The following CLTCL1 variants were observed in gnomAD, a reference collection of about 807,000 sequenced individuals.
The protein encoded by CLTCL1 is clathrin heavy chain like 1.
In CLTCL1, 159 loss-of-function variants were observed where a neutral mutation model predicts 190.0. The observed-to-expected ratio is 0.84, with a 90% CI of 0.74 to 0.95. The LOEUF (loss-of-function observed/expected upper bound fraction) is 0.95, where lower values mean the gene tolerates loss of function less well. CLTCL1 is among the 40% of genes least tolerant of loss of function. CLTCL1 has a pLI of 0.00. For missense variants in CLTCL1, 1,878 were observed against 2,033.4 expected, an observed-to-expected ratio of 0.92 and a Z score of 1.47; for synonymous variants, 752 against 769.6, an observed-to-expected ratio of 0.98 and a Z score of 0.38.
intron 7 of CLTCL1, 64 bp from the exon 8 acceptor site, chr22:19,233,686 C>A: frequency 6.7e-7 from 1 of 1,498,224 alleles, no homozygotes; most frequent in Non-Finnish European, 9.1e-7. Context: ...CACTCAACTT[C>A]CTTGTATGTA....
chr22:19,276,062 A>G (rs1170657441), intron 1 of CLTCL1, among the ~76,000 whole-genome samples: 1 of 152,132 alleles, frequency 6.6e-6, no homozygotes, highest in East Asian at 1.9e-4. Flanking sequence ...CATGTGCAGG[A>G]TGACACTAGG....
intron 4 of CLTCL1, among the ~76,000 whole-genome samples, chr22:19,241,398 A>T (rs1555965351): frequency 6.6e-6 from 1 of 152,218 alleles, no homozygotes; most frequent in East Asian, 1.9e-4. Flanking sequence ...GAGCCACATA[A>T]CTAAAGTCAG....
chr22:19,277,558 A>T (rs1555984126), intron 1 of CLTCL1, among the ~76,000 whole-genome samples: 1 of 152,248 alleles, frequency 6.6e-6, no homozygotes, highest in African/African-American at 2.4e-5. Flanking sequence ...ACTGTAGTGA[A>T]ATAGTTTTTT....
At chr22:19,211,721 T>C (rs1415167066) in intron 19 of CLTCL1, among the ~76,000 whole-genome samples, 1 of 145,854 alleles carries the variant, frequency 6.9e-6, no homozygotes, top group Non-Finnish European at 1.5e-5. Context: ...GAGCTGAGAT[T>C]GCGCCACTGC....
At chr22:19,180,360 G>A (rs2084090417) in intron 31 of CLTCL1, 122 bp from the exon 32 acceptor site, 2 of 1,052,278 alleles carry the variant, frequency 1.9e-6, no homozygotes, top group Non-Finnish European at 2.9e-6. Context: ...CAGTGTCCAA[G>A]CACCCCACAG....
intron 19 of CLTCL1, among the ~76,000 whole-genome samples, chr22:19,212,796 A>G (rs1160583509): frequency 6.6e-6 from 1 of 152,234 alleles, no homozygotes; most frequent in Non-Finnish European, 1.5e-5. Context: ...CTGGACATTC[A>G]TATGCAAAAA....
chr22:19,236,164 G>A (rs1555962066), intron 5 of CLTCL1, among the ~76,000 whole-genome samples: 1 of 152,178 alleles, frequency 6.6e-6, no homozygotes, highest in East Asian at 1.9e-4. Flanking sequence ...AGAGATTACT[G>A]GTGGGAGCAA....
At chr22:19,208,747 A>AATAACAGAATAAT (rs1312902486) in intron 21 of CLTCL1, among the ~76,000 whole-genome samples, 175 bp downstream of exon 21, 131 of 152,122 alleles carry the variant, frequency 8.6e-4, no homozygotes, top group African/African-American at 2.9e-3. Flanking sequence ...AGCTGGTGTC[A>AATAACAGAATAAT]ATAACAGAAT....
In CLTCL1 at chr22:19,187,975, AC is replaced by A. The variant is rs1179845734; in HGVS notation, c.4434+5del. 2.4e-5 allele frequency: 38 copies of A among 1,612,886 alleles called. No individual in the cohort carries two copies. The highest frequency in any genetic ancestry group is 2.5e-5 in the Non-Finnish European group (30 of 1,179,060). ...CCCAGGACAGGGCTCCTTCCTGCAC[AC>A]CCACCTGATAGTCCTCCTCCTCTGT... On this transcript the variant is annotated splice_donor_5th_base_variant and intron_variant, in intron 28 of 32. Coordinates refer to ENST00000427926, the MANE Select transcript of CLTCL1 (RefSeq NM_007098.4).
At chr22:19,190,207 C>T (rs2084446451) in intron 27 of CLTCL1, among the ~76,000 whole-genome samples, 1 of 152,236 alleles carries the variant, frequency 6.6e-6, no homozygotes, top group African/African-American at 2.4e-5. Flanking sequence ...ATCCACCCAC[C>T]TTGGCCTCCC....
At chr22:19,287,530 C>T (rs964931137) in intron 1 of CLTCL1, among the ~76,000 whole-genome samples, 3 of 152,126 alleles carry the variant, frequency 2.0e-5, no homozygotes, top group Non-Finnish European at 2.9e-5. Context: ...AACACGAAAC[C>T]ACTCCCTGAA....
chr22:19,288,847 G>T lies in CLTCL1; in HGVS notation c.42+2753C>A, dbSNP rs565239475. The stretch of plus-strand genomic sequence containing the variant: ...TGGGGCAGTGGGTGTGGGCAGAGAG[G>T]AAGGAGAAACCCTGGGAAACTGTGG... On this transcript the variant is annotated intron_variant, in intron 1 of 32. Coordinates refer to ENST00000427926, the MANE Select transcript of CLTCL1 (RefSeq NM_007098.4). 3.9e-5 allele frequency among the ~76,000 whole-genome samples: 6 copies of T among 152,370 alleles called. No homozygotes were observed. The East Asian group carries it at 9.6e-4, about 24-fold the overall frequency.
chr22:19,290,513 C>G (rs2088071795), intron 1 of CLTCL1, among the ~76,000 whole-genome samples: 1 of 152,090 alleles, frequency 6.6e-6, no homozygotes, highest in Admixed American at 6.5e-5. Context: ...GAATGAAGCC[C>G]GGACAGATGT....
chr22:19,191,448 A>G lies in CLTCL1; in HGVS notation c.4192-13T>C, dbSNP rs1218674192. ...CGACGTTGGCAACCTGTGGTGAGCA[A>G]AGCTGAGGGTCAGTCCCTGCCGCTG... On this transcript the variant is annotated splice_polypyrimidine_tract_variant and intron_variant, in intron 26 of 32. Coordinates refer to ENST00000427926, the MANE Select transcript of CLTCL1 (RefSeq NM_007098.4). The G allele has an allele frequency of 3.1e-6, 5 of 1,612,226 alleles. No individual in the cohort carries two copies. Among genetic ancestry groups the G allele is most frequent in the African/African-American group, 1.3e-5 (1 of 74,886 alleles).
chr22:19,238,069 A>T (rs1380634054), intron 5 of CLTCL1, among the ~76,000 whole-genome samples: 1 of 151,872 alleles, frequency 6.6e-6, no homozygotes, highest in African/African-American at 2.4e-5. Context: ...AAGATTTTTT[A>T]TTTTTATTCT....
At position 19,239,392 on chromosome 22, in the gene CLTCL1, G is replaced by A. The variant is rs1555964061; in HGVS notation, c.682-4C>T. On this transcript the variant is annotated splice_polypyrimidine_tract_variant and splice_region_variant and intron_variant, in intron 4 of 32. Coordinates refer to ENST00000427926, the MANE Select transcript of CLTCL1 (RefSeq NM_007098.4). ...GTCCAACTTCAATGATGTGCAACTA[G>A]AAGAGAGATTTTAGGTCAATCAAGG... 6.2e-7 allele frequency: 1 copy of A among 1,611,720 alleles called. No individual in the cohort carries two copies.
rs2087479814 is a variant in CLTCL1 at position 19,275,742 on chromosome 22, A to G, written c.131T>C (p.Val44Ala). 2 of 1,609,848 alleles carry G rather than the reference A, an allele frequency of 1.2e-6. No individual in the cohort carries two copies. Among genetic ancestry groups the G allele is most frequent in the South Asian group, 1.1e-5 (1 of 89,884 alleles). The change falls in exon 2 of 33, where the codon GTT becomes GCT. Residue 44 changes from valine to alanine, a missense_variant. Transcript: ENST00000427926. The stretch of plus-strand genomic sequence containing the variant: ...GATCGTGACCTGTGCCTGCTCACCA[A>G]CTTTCTCTCGGATACATATGAACTT... ...SDKFICIREK[V>A]GEQAQVTIID...
At chr22:19,203,419 G>T (rs1260495496) in intron 22 of CLTCL1, among the ~76,000 whole-genome samples, 1 of 152,188 alleles carries the variant, frequency 6.6e-6, no homozygotes, top group Non-Finnish European at 1.5e-5. Context: ...TTCTCAGGGA[G>T]TATCTGTGTG....
chr22:19,256,349 T>G (rs2146108656), intron 2 of CLTCL1, among the ~76,000 whole-genome samples: 1 of 137,992 alleles, frequency 7.2e-6, no homozygotes, highest in East Asian at 2.0e-4. Flanking sequence ...TTCTTTTTCT[T>G]TTATCTTTTT....
Sources: gnomAD v4.1 joint callset for allele counts (sites outside exome capture counted in the v4.1 genomes callset) on GRCh38, gnomAD v4.1.1 for gene constraint, MANE v1.5 for transcripts, NCBI Gene and HGNC (gene_info 2026-07-23, HGNC 2026-07-21) for gene names.